VWDE: variants seen among roughly 807,000 people sequenced by gnomAD.
VWDE encodes von Willebrand factor D and EGF domain-containing protein.
VWDE carries 207 observed loss-of-function variants against 178.4 expected under a neutral mutation model. The observed-to-expected ratio is 1.16, with a 90% confidence interval of 1.04 to 1.30. The LOEUF (loss-of-function observed/expected upper bound fraction) is 1.30, where lower values mean the gene tolerates loss of function less well. Ranked by LOEUF, VWDE falls within the 50% of genes most tolerant of loss-of-function variation. The probability of loss-of-function intolerance (pLI) is 0.00; values close to 1 mark genes in which losing one functional copy is unlikely to be tolerated. For synonymous variants in VWDE, 738 were observed against 651.4 expected (o/e 1.13, Z -2.02); for missense variants, 2,287 against 1,901.3 (o/e 1.20, Z -3.77).
chr7:12,351,467 G>A, intron 19 of VWDE, 106 bp downstream of exon 19: 1 of 1,218,278 alleles, frequency 8.2e-7, no homozygotes, highest in Non-Finnish European at 1.1e-6. Flanking sequence ...ACCTTTAGGT[G>A]ATCTTTCTAA....
Position 12,370,096 on chromosome 7 carries a change from C to A in VWDE, c.2210G>T (p.Ser737Ile), listed in dbSNP as rs1330804389. The A allele has an allele frequency of 4.5e-6, 7 of 1,551,416 alleles. No homozygotes were observed. The highest frequency in any genetic ancestry group is 1.4e-5 in the African/African-American group (1 of 73,012). ...ATTGTACCTCATTTCTTGGCTGTGGCTTCCCCGGCCTTGTGTATATTTCTT... is the reference window on the plus strand; with the variant it reads ...ATTGTACCTCATTTCTTGGCTGTGGATTCCCCGGCCTTGTGTATATTTCTT... ...ANKKYTQGRG[S>I]HSQEMRYNRQ... The change falls in exon 12 of 29, where the codon AGC (serine) becomes ATC (isoleucine). Residue 737 changes from serine to isoleucine, a missense_variant. By Grantham distance (142) the Ser-to-Ile change is moderately radical. Coordinates refer to ENST00000275358, the MANE Select transcript of VWDE (RefSeq NM_001135924.3).
chr7:12,344,524 G>T, intron 19 of VWDE, 55 bp from the exon 20 acceptor site: 2 of 1,355,186 alleles, frequency 1.5e-6, no homozygotes, highest in Non-Finnish European at 2.0e-6. Flanking sequence ...CATACATATT[G>T]CTCAGAGACT....
At chr7:12,370,909 TATTCAACCTGGATTA>T (rs1562496190) in intron 10 of VWDE, 45 bp from the exon 11 acceptor site, 1 of 1,365,458 alleles carries the variant, frequency 7.3e-7, no homozygotes. Context: ...GTTGAAGCAA[TATTCAACCTGGATTA>T]AGAAAAATCT....
chr7:12,336,999 C>T lies in VWDE; in HGVS notation c.4547G>A (p.Arg1516Gln). The T allele has an allele frequency of 1.3e-6, 2 of 1,550,916 alleles. No individual in the cohort carries two copies. The highest frequency in any genetic ancestry group is 1.7e-6 in the Non-Finnish European group (2 of 1,146,576). Residue 1516 changes from arginine (R) to glutamine (Q), a missense_variant, in exon 26 of 29, where the codon CGA (arginine) becomes CAA (glutamine). By Grantham distance (43) the Arg-to-Gln change is conservative. Coordinates refer to ENST00000275358, the MANE Select transcript of VWDE (RefSeq NM_001135924.3). ...AGTATTCCTCTTACGTGTGTTGCAT[C>T]GTTTCCCACTCCAACCAGAAGGACA... ...CSCPSGWSGKRCNTPICLQKC... is the reference protein window; with the variant it reads ...CSCPSGWSGKQCNTPICLQKC...
intron 3 of VWDE, among the ~76,000 whole-genome samples, chr7:12,383,889 C>T (rs1220064167): frequency 6.6e-6 from 1 of 152,106 alleles, no homozygotes; most frequent in Non-Finnish European, 1.5e-5. Context: ...GGATGTGGAG[C>T]AACAGGTGCT....
chr7:12,389,929 G>A (rs945162620), intron 2 of VWDE, among the ~76,000 whole-genome samples: 1 of 152,204 alleles, frequency 6.6e-6, no homozygotes. Flanking sequence ...TTGGGAGGCT[G>A]AGGTGGGCGG....
At chr7:12,374,113 C>G (rs1000543836) in intron 9 of VWDE, among the ~76,000 whole-genome samples, 5 of 152,074 alleles carry the variant, frequency 3.3e-5, no homozygotes, top group Admixed American at 2.0e-4. Context: ...AACCATGAAT[C>G]TCCCAGAACG....
intron 4 of VWDE, among the ~76,000 whole-genome samples, chr7:12,382,343 ACTG>A (rs1482908959): frequency 6.6e-6 from 1 of 151,854 alleles, no homozygotes; most frequent in Admixed American, 6.6e-5. Context: ...TTTTATGTTT[ACTG>A]CTGCTATTAT....
At chr7:12,381,525 A>G (rs944248387) in intron 4 of VWDE, among the ~76,000 whole-genome samples, 1 of 152,078 alleles carries the variant, frequency 6.6e-6, no homozygotes, top group African/African-American at 2.4e-5. Context: ...TGCCATGTAG[A>G]TTTTGGAAAA....
chr7:12,356,828 C>T (rs897145536), intron 17 of VWDE, among the ~76,000 whole-genome samples: 3 of 152,110 alleles, frequency 2.0e-5, no homozygotes, highest in African/African-American at 7.2e-5. Flanking sequence ...CTGACATAAT[C>T]AAAAGAAAAG....
chr7:12,373,646 TAC>T (rs1783343772), intron 9 of VWDE, among the ~76,000 whole-genome samples: 1 of 152,194 alleles, frequency 6.6e-6, no homozygotes, highest in Admixed American at 6.5e-5. Flanking sequence ...CTTCCTCAGA[TAC>T]ACTTTATATT....
At chr7:12,339,668 C>G (rs73292386) in intron 24 of VWDE, among the ~76,000 whole-genome samples, 2,830 of 152,116 alleles carry the variant, frequency 0.019, 83 homozygotes, top group African/African-American at 0.064. Context: ...CTGACATGTT[C>G]TATAGTAAAA....
chr7:12,395,123 C>T (rs1784563961), intron 1 of VWDE, among the ~76,000 whole-genome samples: 1 of 152,002 alleles, frequency 6.6e-6, no homozygotes, highest in African/African-American at 2.4e-5. Context: ...CAAAAGGCTC[C>T]TCTTTCTTTT....
chr7:12,353,085 C>A (rs1782033726), intron 18 of VWDE, among the ~76,000 whole-genome samples: 1 of 152,150 alleles, frequency 6.6e-6, no homozygotes, highest in South Asian at 2.1e-4. Context: ...CATTACGTTG[C>A]TTGTGTGTCT....
chr7:12,403,593 C>A lies in VWDE; in HGVS notation c.58+66G>T, dbSNP rs910461121. On this transcript the variant is annotated intron_variant, in intron 1 of 28. Transcript: ENST00000275358. ...TCCCCAAGTCGTCCAAAAAGTCTAG[C>A]CTAGTCCCTCTACCGCCCACGCGGC... 8 of 1,481,018 alleles carry A rather than the reference C, an allele frequency of 5.4e-6. No homozygotes were observed. The African/African-American group carries it at 9.7e-5, about 18-fold the overall frequency. 91.7% of individuals were successfully genotyped at this position (1,481,018 alleles called of 1,614,324 possible).
intron 3 of VWDE, among the ~76,000 whole-genome samples, chr7:12,387,921 C>G (rs545111884): frequency 6.6e-6 from 1 of 152,218 alleles, no homozygotes; most frequent in African/African-American, 2.4e-5. Context: ...TTGCACTTAT[C>G]AATCTTCCAC....
At chr7:12,340,549 T>A in intron 23 of VWDE, 132 bp from the exon 24 acceptor site, 1 of 601,846 alleles carries the variant, frequency 1.7e-6, no homozygotes, top group Non-Finnish European at 2.9e-6. Flanking sequence ...AATGTATAAT[T>A]AATTAGACTT....
At chr7:12,335,113 T>A (rs1008455400) in intron 27 of VWDE, among the ~76,000 whole-genome samples, 3 of 152,180 alleles carry the variant, frequency 2.0e-5, no homozygotes, top group Non-Finnish European at 4.4e-5. Flanking sequence ...GAGGGTACAT[T>A]ATTTCTAGTA....
chr7:12,370,563 C>T, intron 11 of VWDE, 54 bp from the exon 12 acceptor site: 1 of 1,527,656 alleles, frequency 6.5e-7, no homozygotes, highest in Non-Finnish European at 8.8e-7. Context: ...ACATTTGTTT[C>T]CTAATATGTG....
Sources: allele counts gnomAD v4.1 joint callset (sites outside exome capture counted in the v4.1 genomes callset), GRCh38; gene constraint gnomAD v4.1.1; transcripts MANE v1.5; gene names NCBI Gene and HGNC (gene_info 2026-07-23, HGNC 2026-07-21).